CDH12: variants seen among roughly 807,000 people sequenced by gnomAD.
The protein encoded by CDH12 is cadherin 12.
A neutral mutation model predicts 74.1 loss-of-function variants in CDH12; 41 were observed. The ratio of observed to expected loss-of-function variants is 0.55; its 90% confidence interval spans 0.43 to 0.72. The LOEUF is 0.72. Ranked by LOEUF, CDH12 falls within the 30% of genes least tolerant of loss-of-function variation. The pLI, the probability that CDH12 is intolerant of heterozygous loss-of-function variation, is 0.00. For missense variants in CDH12, 945 were observed against 977.2 expected, an observed-to-expected ratio of 0.97 and a Z score of 0.44; for synonymous variants, 399 against 355.0, an observed-to-expected ratio of 1.12 and a Z score of -1.39.
At chr5:22,099,650 C>A (rs374140432) in intron 4 of CDH12, among the ~76,000 whole-genome samples, 523 of 152,266 alleles carry the variant, frequency 3.4e-3, no homozygotes, top group African/African-American at 0.012. Context: ...CTCTTGTTTA[C>A]ACTGCCGGTT....
At position 21,981,853 on chromosome 5, in the gene CDH12, T is replaced by C. The variant is rs139160412; in HGVS notation, c.232-6468A>G. ...TTAGCTAATTTTTCTATTTTTTTAT[T>C]TGTAGAGATGAGGTTTCATCATACT... On this transcript the variant is annotated intron_variant, in intron 5 of 14. Transcript: ENST00000382254. 6.7e-3 allele frequency among the ~76,000 whole-genome samples: 1,019 copies of C among 152,220 alleles called. 6 individuals carry two copies. Among genetic ancestry groups the C allele is most frequent in the African/African-American group, 0.023 (972 of 41,548 alleles).
chr5:22,508,646 T>A (rs1352926736), intron 1 of CDH12, among the ~76,000 whole-genome samples: 2 of 152,160 alleles, frequency 1.3e-5, no homozygotes, highest in Non-Finnish European at 2.9e-5. Flanking sequence ...CAATCTTTGA[T>A]CTTAACTTGA....
rs553702042 is a variant in CDH12, at chr5:21,802,262, C to T, written c.1161G>A (p.Pro387=). The T allele has an allele frequency of 8.1e-6, 13 of 1,613,724 alleles. No homozygotes were observed. The South Asian group carries it at 1.1e-4, about 14-fold the overall frequency. The change falls in exon 10 of 15, where the codon CCG becomes CCA. Residue 387 remains proline (P), a synonymous_variant. Transcript: ENST00000382254. The part of the protein sequence containing the change: ...DVDEPPVFSK[P]LYTMEVYEDT... ...CTTCATAAACCTCCATGGTGTAGAG[C>T]GGCTTGCTGAAAACCGGTGGCTCAT...
At chr5:21,757,620 G>T (rs1451689746) in intron 13 of CDH12, among the ~76,000 whole-genome samples, 2 of 152,020 alleles carry the variant, frequency 1.3e-5, no homozygotes, top group African/African-American at 4.8e-5. Flanking sequence ...ATGGTAAATG[G>T]CACCTGAAAT....
intron 5 of CDH12, among the ~76,000 whole-genome samples, chr5:22,072,359 A>G (rs1246300782): frequency 2.6e-5 from 4 of 152,066 alleles, no homozygotes; most frequent in African/African-American, 9.7e-5. Context: ...TTGAAGTTTC[A>G]AGCCTCAGGG....
rs1315394267 is a variant in CDH12 at position 22,188,634 on chromosome 5, A to G, written c.-187+23864T>C. On this transcript the variant is annotated intron_variant, in intron 4 of 14. Coordinates refer to ENST00000382254, the MANE Select transcript of CDH12 (RefSeq NM_004061.5). ...CACCATTTCTACACCATGTAATCTCACATAACGTCCACAAATGTCCTGTGC... is the reference window on the plus strand; with the variant it reads ...CACCATTTCTACACCATGTAATCTCGCATAACGTCCACAAATGTCCTGTGC... Among the ~76,000 whole-genome samples, 4 of 152,196 alleles carry G rather than the reference A, an allele frequency of 2.6e-5. No individual in the cohort carries two copies. The East Asian group carries it at 7.7e-4, about 29-fold the overall frequency.
chr5:22,166,562 A>G (rs551126916), intron 4 of CDH12, among the ~76,000 whole-genome samples: 39 of 152,362 alleles, frequency 2.6e-4, no homozygotes, highest in African/African-American at 9.4e-4. Context: ...GGTCAATTAG[A>G]ATAAATCCAA....
At chr5:21,927,587 C>T (rs2150077677) in intron 6 of CDH12, among the ~76,000 whole-genome samples, 1 of 151,552 alleles carries the variant, frequency 6.6e-6, no homozygotes, top group South Asian at 2.1e-4. Context: ...GAAGACTCTG[C>T]TCAAAAAAAC....
chr5:22,723,041 T>C (rs1743979038), intron 1 of CDH12, among the ~76,000 whole-genome samples: 1 of 152,170 alleles, frequency 6.6e-6, no homozygotes, highest in African/African-American at 2.4e-5. Flanking sequence ...AGGAGCAATA[T>C]AACTCAATAT....
At chr5:21,885,986 T>G (rs74593407) in intron 6 of CDH12, among the ~76,000 whole-genome samples, 3,138 of 152,258 alleles carry the variant, frequency 0.021, 73 homozygotes, top group African/African-American at 0.058. Context: ...GTATATTGTA[T>G]GTGAACTTCC....
At chr5:21,893,015 G>A (rs751357380) in intron 6 of CDH12, among the ~76,000 whole-genome samples, 5 of 152,208 alleles carry the variant, frequency 3.3e-5, no homozygotes, top group East Asian at 3.9e-4. Flanking sequence ...AGTACATCAC[G>A]TTTGCCTTTG....
intron 2 of CDH12, among the ~76,000 whole-genome samples, chr5:22,470,262 C>T (rs1286587785): frequency 6.6e-6 from 1 of 151,906 alleles, no homozygotes; most frequent in African/African-American, 2.4e-5. Context: ...ATGTAGTTGG[C>T]TTAAAAGAAG....
intron 3 of CDH12, among the ~76,000 whole-genome samples, chr5:22,344,952 T>C (rs1028666161): frequency 6.6e-6 from 1 of 152,214 alleles, no homozygotes; most frequent in African/African-American, 2.4e-5. Context: ...AGAAAAGTTA[T>C]TGAAACCCTT....
intron 1 of CDH12, among the ~76,000 whole-genome samples, chr5:22,752,283 A>G (rs981554132): frequency 6.6e-6 from 1 of 152,052 alleles, no homozygotes; most frequent in Admixed American, 6.6e-5. Flanking sequence ...TATAAGAAAA[A>G]AACCCTTAAT....
chr5:22,431,808 T>C (rs929520975), intron 2 of CDH12, among the ~76,000 whole-genome samples: 1 of 152,294 alleles, frequency 6.6e-6, no homozygotes, highest in Non-Finnish European at 1.5e-5. Flanking sequence ...AATAAGGACA[T>C]AAAGAAAATA....
intron 2 of CDH12, among the ~76,000 whole-genome samples, chr5:22,471,183 C>A (rs1354617504): frequency 6.6e-6 from 1 of 152,160 alleles, no homozygotes; most frequent in African/African-American, 2.4e-5. Context: ...GTTCTTTCAA[C>A]ACCCAATGAA....
At chr5:22,661,455 TAC>T (rs2126898422) in intron 1 of CDH12, among the ~76,000 whole-genome samples, 1 of 152,330 alleles carries the variant, frequency 6.6e-6, no homozygotes, top group African/African-American at 2.4e-5. Flanking sequence ...TCTTTCTGCG[TAC>T]AGAGACTATT....
intron 4 of CDH12, among the ~76,000 whole-genome samples, chr5:22,117,478 T>TTATATATATAA (rs2071313437): frequency 1.6e-4 from 11 of 68,278 alleles, no homozygotes; most frequent in African/African-American, 6.7e-4. Flanking sequence ...AATATATATA[T>TTATATATATAA]TATATATATA....
At chr5:22,027,872 G>T (rs1479468092) in intron 5 of CDH12, among the ~76,000 whole-genome samples, 1 of 151,960 alleles carries the variant, frequency 6.6e-6, no homozygotes, top group African/African-American at 2.4e-5. Flanking sequence ...GAATGTGTTT[G>T]CTCTTGCTTT....
Sources: allele counts gnomAD v4.1 joint callset (sites outside exome capture counted in the v4.1 genomes callset), GRCh38; gene constraint gnomAD v4.1.1; transcripts MANE v1.5; gene names NCBI Gene and HGNC (gene_info 2026-07-23, HGNC 2026-07-21).